The following THSD7B variants were observed in gnomAD, a reference collection of about 807,000 sequenced individuals.
THSD7B encodes thrombospondin type 1 domain containing 7B.
In THSD7B, 138 loss-of-function variants were observed where a neutral mutation model predicts 213.6. The ratio of observed to expected loss-of-function variants is 0.65; its 90% CI spans 0.56 to 0.74. The LOEUF (loss-of-function observed/expected upper bound fraction) is 0.74, where lower values mean the gene tolerates loss of function less well. Ranked by LOEUF, THSD7B falls within the 30% of genes least tolerant of loss-of-function variation. The probability of loss-of-function intolerance (pLI) is 0.00; values close to 1 mark genes in which losing one functional copy is unlikely to be tolerated. For synonymous variants in THSD7B, 742 were observed against 687.0 expected (o/e 1.08, Z -1.25); for missense variants, 1,931 against 1,991.5 (o/e 0.97, Z 0.58).
At chr2:137,398,828 T>G (rs1686273852) in intron 12 of THSD7B, among the ~76,000 whole-genome samples, 1 of 152,210 alleles carries the variant, frequency 6.6e-6, no homozygotes, top group Non-Finnish European at 1.5e-5. Flanking sequence ...TCCGTGGGCG[T>G]AGGACCCTCC....
At chr2:137,288,799 A>G (rs1403348801) in intron 12 of THSD7B, among the ~76,000 whole-genome samples, 1 of 51,010 alleles carries the variant, frequency 2.0e-5, no homozygotes, top group Non-Finnish European at 4.3e-5. Flanking sequence ...CATAATATAT[A>G]TATATATATA....
chr2:137,535,690 A>G (rs944427741), intron 15 of THSD7B, among the ~76,000 whole-genome samples: 3 of 151,774 alleles, frequency 2.0e-5, no homozygotes, highest in Non-Finnish European at 4.4e-5. Flanking sequence ...TATATATTCA[A>G]GTGAAGGAAG....
intron 2 of THSD7B, among the ~76,000 whole-genome samples, chr2:137,055,779 T>C (rs1276398522): frequency 2.6e-5 from 4 of 152,202 alleles, no homozygotes; most frequent in Admixed American, 2.0e-4. Context: ...CTTATTACCT[T>C]ACCTTTCCCC....
intron 2 of THSD7B, among the ~76,000 whole-genome samples, chr2:136,936,699 G>T (rs1352676260): frequency 1.3e-5 from 2 of 152,024 alleles, no homozygotes; most frequent in African/African-American, 4.8e-5. Context: ...GAGGGATAAA[G>T]ACTACAAGTA....
intron 12 of THSD7B, among the ~76,000 whole-genome samples, chr2:137,331,484 T>C (rs867089529): frequency 2.4e-4 from 37 of 152,318 alleles, no homozygotes; most frequent in African/African-American, 8.7e-4. Context: ...TTGGTGTATT[T>C]ACAATCCTGA....
rs55700826 is a variant in THSD7B at position 137,088,608 on chromosome 2, T to TAAA, written c.951-6252_951-6250dup. 2.7e-4 allele frequency among the ~76,000 whole-genome samples: 38 copies of TAAA among 141,114 alleles called. No homozygotes were observed. The South Asian group carries it at 7.7e-3, about 28-fold the overall frequency. The allele number at this position is 141,114 out of a possible 152,430, so 92.6% of individuals were successfully genotyped here. On this transcript the variant is annotated intron_variant, in intron 3 of 27. Coordinates refer to ENST00000409968, the MANE Select transcript of THSD7B (RefSeq NM_001316349.2). ...ACCAAGAGCCCAAAAGCAAATGCAA[T>TAAA]AAAAAAAAAAAAAAATAGCTGGGAC... is the stretch of plus-strand genomic sequence containing the variant.
intron 1 of THSD7B, among the ~76,000 whole-genome samples, chr2:136,854,242 A>G (rs1573670570): frequency 6.6e-6 from 1 of 151,016 alleles, no homozygotes; most frequent in Non-Finnish European, 1.5e-5. Context: ...ACACTTACAT[A>G]TGTGCATACA....
intron 12 of THSD7B, among the ~76,000 whole-genome samples, chr2:137,364,465 G>T (rs1216018953): frequency 6.6e-6 from 1 of 152,100 alleles, no homozygotes; most frequent in Non-Finnish European, 1.5e-5. Flanking sequence ...GTCCCTTTTT[G>T]CAGATGACAT....
At chr2:137,311,967 C>CT (rs1683921809) in intron 12 of THSD7B, among the ~76,000 whole-genome samples, 1 of 145,614 alleles carries the variant, frequency 6.9e-6, no homozygotes, top group Non-Finnish European at 1.5e-5. Flanking sequence ...CTAAAATTCT[C>CT]TTTTTTGGTT....
At chr2:136,830,066 G>A (rs1160664914) in intron 1 of THSD7B, among the ~76,000 whole-genome samples, 5 of 151,998 alleles carry the variant, frequency 3.3e-5, no homozygotes, top group South Asian at 4.2e-4. Flanking sequence ...TTCCCAGCCC[G>A]TCTATGCCTT....
chr2:136,959,272 C>T (rs898008708), intron 2 of THSD7B, among the ~76,000 whole-genome samples: 1 of 152,208 alleles, frequency 6.6e-6, no homozygotes, highest in Non-Finnish European at 1.5e-5. Flanking sequence ...ACTTCCTTGA[C>T]TTGTGTTGGC....
Position 137,358,304 on chromosome 2 carries a change from C to G in THSD7B, c.2501-47309C>G, listed in dbSNP as rs970791694. ...AATGAGAATCTTATTTCCTCTTTCT[C>G]TTGTTTTATAAATTGATTCAAAATA... On this transcript the variant is annotated intron_variant, in intron 12 of 27. Transcript: ENST00000409968. 2.0e-5 allele frequency among the ~76,000 whole-genome samples: 3 copies of G among 152,268 alleles called. No individual in the cohort carries two copies. In the East Asian group the frequency reaches 5.8e-4, roughly 29 times the overall value.
At chr2:137,196,178 C>T (rs879851998) in intron 7 of THSD7B, among the ~76,000 whole-genome samples, 5 of 152,088 alleles carry the variant, frequency 3.3e-5, no homozygotes, top group Admixed American at 2.6e-4. Flanking sequence ...ACTTCTAACC[C>T]AAAAACCATT....
At chr2:137,505,542 A>G (rs961717119) in intron 15 of THSD7B, among the ~76,000 whole-genome samples, 3 of 152,250 alleles carry the variant, frequency 2.0e-5, no homozygotes, top group African/African-American at 7.2e-5. Context: ...TGTCTAGTCT[A>G]TAGATGACTG....
intron 21 of THSD7B, among the ~76,000 whole-genome samples, chr2:137,652,858 G>A (rs1038023390): frequency 1.6e-4 from 25 of 152,018 alleles, no homozygotes; most frequent in African/African-American, 5.8e-4. Flanking sequence ...CTTTGCCCCC[G>A]ACATTTTGAC....
intron 12 of THSD7B, among the ~76,000 whole-genome samples, chr2:137,381,008 G>A (rs1405910262): frequency 1.3e-5 from 2 of 152,220 alleles, no homozygotes; most frequent in African/African-American, 2.4e-5. Context: ...TGTCAAAACT[G>A]TCTACAATTC....
At chr2:137,129,214 C>A (rs576457989) in intron 5 of THSD7B, among the ~76,000 whole-genome samples, 1 of 152,104 alleles carries the variant, frequency 6.6e-6, no homozygotes, top group Admixed American at 6.6e-5. Context: ...GGTGATATAC[C>A]AGGCATCAAT....
chr2:137,648,808 G>T (rs990156639), intron 21 of THSD7B, among the ~76,000 whole-genome samples: 2 of 151,804 alleles, frequency 1.3e-5, no homozygotes, highest in Non-Finnish European at 2.9e-5. Flanking sequence ...TTCTGTATAT[G>T]GTACTTCCAT....
intron 2 of THSD7B, among the ~76,000 whole-genome samples, chr2:136,962,444 A>C (rs1438083429): frequency 7.3e-6 from 1 of 137,378 alleles, no homozygotes; most frequent in Non-Finnish European, 1.5e-5. Context: ...ATATGGCAAT[A>C]AATATTCTAA....
Sources: gnomAD v4.1 joint callset for allele counts (sites outside exome capture counted in the v4.1 genomes callset) on GRCh38, gnomAD v4.1.1 for gene constraint, MANE v1.5 for transcripts, NCBI Gene and HGNC (gene_info 2026-07-23, HGNC 2026-07-21) for gene names.